The following MTSS1 variants were observed in gnomAD, a reference collection of about 807,000 sequenced individuals.
The protein encoded by MTSS1 is protein MTSS 1.
MTSS1 carries 18 observed loss-of-function variants against 79.0 expected under a neutral mutation model. That is an observed-to-expected ratio of 0.23 (90% CI 0.16 to 0.34). MTSS1 has a LOEUF of 0.34. Among genes scored for constraint, MTSS1 ranks in the 10% least tolerant of loss-of-function variants. The pLI, the probability that MTSS1 is intolerant of heterozygous loss-of-function variation, is 1.00. For synonymous variants in MTSS1, 341 were observed against 368.6 expected (o/e 0.93, Z 0.86); for missense variants, 815 against 986.2 (o/e 0.83, Z 2.33).
intron 6 of MTSS1, among the ~76,000 whole-genome samples, chr8:124,570,865 G>A (rs564314189): frequency 6.6e-6 from 1 of 151,942 alleles, no homozygotes; most frequent in African/African-American, 2.4e-5. Flanking sequence ...ATAAAGATTG[G>A]GTCTTGCTTT....
At chr8:124,591,332 T>C in intron 3 of MTSS1, 97 bp from the exon 4 acceptor site, 6 of 976,724 alleles carry the variant, frequency 6.1e-6, no homozygotes, top group South Asian at 4.0e-5. Flanking sequence ...TTTCACCACA[T>C]TGTAAAATAT....
At chr8:124,705,944 G>T (rs1282446941) in intron 1 of MTSS1, among the ~76,000 whole-genome samples, 1 of 152,196 alleles carries the variant, frequency 6.6e-6, no homozygotes, top group African/African-American at 2.4e-5. Flanking sequence ...TGGCCCCTAG[G>T]GGACAAAAAT....
chr8:124,681,169 A>G (rs1826066555), intron 3 of MTSS1, among the ~76,000 whole-genome samples: 1 of 151,260 alleles, frequency 6.6e-6, no homozygotes. Context: ...AAATGTGTCT[A>G]TGGAGTCAAA....
intron 1 of MTSS1, among the ~76,000 whole-genome samples, chr8:124,719,245 C>A (rs1430853): frequency 0.69 from 104,762 of 152,084 alleles, 36,493 homozygotes; most frequent in Admixed American, 0.78. Flanking sequence ...GGGAATTATA[C>A]TAGTTACTAA....
intron 3 of MTSS1, among the ~76,000 whole-genome samples, chr8:124,662,455 G>T (rs1043581649): frequency 6.6e-6 from 1 of 152,134 alleles, no homozygotes; most frequent in African/African-American, 2.4e-5. Flanking sequence ...CTCAGTCTCT[G>T]CCACCAGGAA....
At chr8:124,615,014 A>G (rs1836574845) in intron 3 of MTSS1, among the ~76,000 whole-genome samples, 1 of 152,216 alleles carries the variant, frequency 6.6e-6, no homozygotes, top group Non-Finnish European at 1.5e-5. Context: ...AAGACAGTGT[A>G]TGTTGGAGGT....
chr8:124,609,938 A>G (rs778125237), intron 3 of MTSS1, among the ~76,000 whole-genome samples: 14 of 152,122 alleles, frequency 9.2e-5, no homozygotes, highest in Non-Finnish European at 1.5e-4. Context: ...TATCAGACTC[A>G]CCCATGGATC....
intron 6 of MTSS1, among the ~76,000 whole-genome samples, chr8:124,573,981 C>A (rs948300634): frequency 2.0e-4 from 31 of 152,176 alleles, no homozygotes; most frequent in African/African-American, 7.0e-4. Context: ...CAAGGCAGCA[C>A]CCCTAAAGAA....
chr8:124,629,125 T>A (rs947980004), intron 3 of MTSS1, among the ~76,000 whole-genome samples: 6 of 152,210 alleles, frequency 3.9e-5, no homozygotes, highest in African/African-American at 7.2e-5. Context: ...AACAGCCCTG[T>A]GCATAAGCAC....
At chr8:124,717,287 T>A (rs1832182592) in intron 1 of MTSS1, among the ~76,000 whole-genome samples, 1 of 151,826 alleles carries the variant, frequency 6.6e-6, no homozygotes, top group South Asian at 2.1e-4. Context: ...AGATTAGGAG[T>A]TCGAGACCAG....
chr8:124,726,174 G>A (rs772353023), intron 1 of MTSS1, among the ~76,000 whole-genome samples: 2 of 152,208 alleles, frequency 1.3e-5, no homozygotes, highest in African/African-American at 4.8e-5. Flanking sequence ...TGAGTCCCCA[G>A]CCAGGGCATA....
intron 7 of MTSS1, 81 bp downstream of exon 7, chr8:124,568,298 T>G: frequency 6.7e-7 from 1 of 1,485,134 alleles, no homozygotes; most frequent in South Asian, 1.3e-5. Context: ...TCTCCATGAC[T>G]CAACAGTGGA....
intron 3 of MTSS1, among the ~76,000 whole-genome samples, chr8:124,680,134 C>T (rs889841875): frequency 1.3e-5 from 2 of 152,282 alleles, no homozygotes; most frequent in South Asian, 4.1e-4. Context: ...GTGTTCAATA[C>T]ATGAAGCATG....
rs76792265 is a variant in MTSS1, at chr8:124,651,375, C to T, written c.208+48151G>A. On this transcript the variant is annotated intron_variant, in intron 3 of 13. Transcript: ENST00000518547. ...GAAGAGCATGCTTTGACATACACAG[C>T]ACACACAGCACAATCATATAAATTG... Among the ~76,000 whole-genome samples, 594 of 139,144 alleles carry T rather than the reference C, an allele frequency of 4.3e-3. 28 individuals carry two copies. The East Asian group carries it at 0.081, about 19-fold the overall frequency. The allele number at this position is 139,144 out of a possible 152,430, so 91.3% of individuals were successfully genotyped here. A position where few individuals can be genotyped will look rare whatever the true frequency, so the allele number is the denominator to read the frequency against.
intron 1 of MTSS1, among the ~76,000 whole-genome samples, chr8:124,716,747 T>C (rs1177969493): frequency 6.6e-6 from 1 of 152,068 alleles, no homozygotes; most frequent in Non-Finnish European, 1.5e-5. Context: ...CTTTGCGCCC[T>C]TGGAAGCAGG....
intron 3 of MTSS1, among the ~76,000 whole-genome samples, chr8:124,674,866 C>T (rs968209226): frequency 3.3e-5 from 5 of 152,230 alleles, no homozygotes; most frequent in South Asian, 4.2e-4. Context: ...GGATTACAGG[C>T]GCATGTCACC....
At chr8:124,648,728 C>T (rs941206428) in intron 3 of MTSS1, among the ~76,000 whole-genome samples, 5 of 150,580 alleles carry the variant, frequency 3.3e-5, no homozygotes, top group Admixed American at 6.6e-5. Flanking sequence ...CAGATACTGA[C>T]CAGACGGTGT....
At chr8:124,702,482 T>C (rs1311521130) in intron 2 of MTSS1, among the ~76,000 whole-genome samples, 1 of 152,194 alleles carries the variant, frequency 6.6e-6, no homozygotes, top group Non-Finnish European at 1.5e-5. Context: ...CCAAGTTCAC[T>C]GTCCATCTGA....
chr8:124,585,042 T>C, intron 6 of MTSS1, 45 bp downstream of exon 6: 4 of 1,511,272 alleles, frequency 2.6e-6, no homozygotes, highest in Non-Finnish European at 2.7e-6. Flanking sequence ...ACAAATCAAG[T>C]ACTCCATCAG....
Sources: gnomAD v4.1 joint callset for allele counts (sites outside exome capture counted in the v4.1 genomes callset) on GRCh38, gnomAD v4.1.1 for gene constraint, MANE v1.5 for transcripts, NCBI Gene and HGNC (gene_info 2026-07-23, HGNC 2026-07-21) for gene names.